UBE2R2: variants seen among roughly 807,000 people sequenced by gnomAD.
UBE2R2 encodes ubiquitin-conjugating enzyme E2 R2.
In UBE2R2, 1 loss-of-function variant was observed where a neutral mutation model predicts 27.8. The ratio of observed to expected loss-of-function variants is 0.04; its 90% CI spans 0.01 to 0.17. The LOEUF (loss-of-function observed/expected upper bound fraction) is 0.17. UBE2R2 is among the 10% of genes least tolerant of loss of function. The pLI, the probability that UBE2R2 is intolerant of heterozygous loss-of-function variation, is 1.00. For synonymous variants in UBE2R2, 106 were observed against 113.3 expected (o/e 0.94, Z 0.41); for missense variants, 100 against 291.0 (o/e 0.34, Z 4.78).
At chr9:33,841,304 T>C (rs1820728340) in intron 1 of UBE2R2, among the ~76,000 whole-genome samples, 1 of 152,140 alleles carries the variant, frequency 6.6e-6, no homozygotes, top group Admixed American at 6.6e-5. Flanking sequence ...GGTCTCGAAC[T>C]CCTGACCTCA....
At chr9:33,914,870 C>T (rs899421088) in intron 4 of UBE2R2, among the ~76,000 whole-genome samples, 3 of 151,732 alleles carry the variant, frequency 2.0e-5, no homozygotes, top group Non-Finnish European at 2.9e-5. Flanking sequence ...GGCACAGTGG[C>T]TCACGCCTGT....
chr9:33,896,605 TA>T (rs1272831951), intron 2 of UBE2R2, among the ~76,000 whole-genome samples: 4 of 121,242 alleles, frequency 3.3e-5, no homozygotes, highest in African/African-American at 1.3e-4. Flanking sequence ...CATGACTGGC[TA>T]TTTTTTTTTT....
At chr9:33,846,095 C>T (rs1421647055) in intron 1 of UBE2R2, among the ~76,000 whole-genome samples, 2 of 147,180 alleles carry the variant, frequency 1.4e-5, no homozygotes, top group African/African-American at 5.1e-5. Flanking sequence ...CACTGCCCTC[C>T]AGCCTGGGTG....
chr9:33,872,757 G>C (rs1821514463), intron 1 of UBE2R2, among the ~76,000 whole-genome samples: 1 of 150,632 alleles, frequency 6.6e-6, no homozygotes, highest in Non-Finnish European at 1.5e-5. Flanking sequence ...CTGCACTCCA[G>C]CCTGGGCAAC....
At chr9:33,890,409 A>G (rs1192480354) in intron 2 of UBE2R2, among the ~76,000 whole-genome samples, 2 of 152,294 alleles carry the variant, frequency 1.3e-5, no homozygotes, top group South Asian at 4.1e-4. Flanking sequence ...TTTACTAAAA[A>G]TACAAACATC....
At chr9:33,853,447 G>A (rs553671814) in intron 1 of UBE2R2, among the ~76,000 whole-genome samples, 30 of 151,794 alleles carry the variant, frequency 2.0e-4, no homozygotes, top group Non-Finnish European at 2.6e-4. Context: ...CACCATGCCC[G>A]GCTAATTTTG....
chr9:33,909,039 C>T (rs967672485), intron 3 of UBE2R2, among the ~76,000 whole-genome samples: 1 of 131,612 alleles, frequency 7.6e-6, no homozygotes, highest in Admixed American at 7.4e-5. Flanking sequence ...TTAAAATTCA[C>T]TTCCTCATTT....
intron 3 of UBE2R2, among the ~76,000 whole-genome samples, chr9:33,911,157 G>A (rs1822474735): frequency 6.6e-6 from 1 of 151,310 alleles, no homozygotes; most frequent in Admixed American, 6.6e-5. Context: ...GCTTTTAATC[G>A]TAGCACTTTG....
rs2130827785 is a variant in UBE2R2, at chr9:33,917,670, A to AG, written c.*434dup. The AG allele has an allele frequency of 3.7e-6, 1 of 270,156 alleles. No individual in the cohort carries two copies. Among genetic ancestry groups the AG allele is most frequent in the East Asian group, 6.5e-5 (1 of 15,382 alleles). 16.7% of individuals were successfully genotyped at this position (270,156 alleles called of 1,614,324 possible). ...AGTGCTGCATATACTGGGTAGCAAA[A>AG]GAAAATGGAAAAAAACCCACAAAAC... On this transcript the variant is annotated 3_prime_UTR_variant, in exon 5 of 5. Transcript: ENST00000263228.
At chr9:33,887,019 G>A (rs1821875167) in intron 2 of UBE2R2, 52 bp downstream of exon 2, 11 of 1,455,386 alleles carry the variant, frequency 7.6e-6, no homozygotes, top group Non-Finnish European at 1.0e-5. Context: ...TTTTAAATCA[G>A]TACTTTAAAA....
Position 33,917,087 on chromosome 9 carries a change from A to G in UBE2R2, c.567A>G (p.Glu189=), listed in dbSNP as rs1822664573. 6.2e-7 allele frequency: 1 copy of G among 1,614,136 alleles called. No individual in the cohort carries two copies. Among genetic ancestry groups the G allele is most frequent in the Non-Finnish European group, 8.5e-7 (1 of 1,180,046 alleles). The change falls in exon 5 of 5, where the codon GAA becomes GAG. Residue 189 remains glutamate (E), a synonymous_variant. Transcript: ENST00000263228. ...DGVKVPTTLA[E]YCIKTKVPSN... is the part of the protein sequence containing the mutation. ...TGAAGGTCCCCACAACCCTGGCGGA[A>G]TACTGCATCAAAACTAAAGTGCCTT...
At chr9:33,910,607 T>A (rs957568355) in intron 3 of UBE2R2, among the ~76,000 whole-genome samples, 1 of 152,242 alleles carries the variant, frequency 6.6e-6, no homozygotes, top group African/African-American at 2.4e-5. Context: ...ATCCAGCATC[T>A]CACTTGGTGC....
At chr9:33,868,556 G>A (rs1214144883) in intron 1 of UBE2R2, 1 of 152,118 alleles carries the variant, frequency 6.6e-6, no homozygotes, top group Non-Finnish European at 1.5e-5. Flanking sequence ...CTTTTCTTGG[G>A]GTTGCGCTGC....
At chr9:33,874,517 T>C (rs1272866031) in intron 1 of UBE2R2, among the ~76,000 whole-genome samples, 8 of 152,132 alleles carry the variant, frequency 5.3e-5, no homozygotes, top group East Asian at 1.9e-4. Flanking sequence ...TTTTTAAATA[T>C]ATACATAATG....
intron 4 of UBE2R2, among the ~76,000 whole-genome samples, chr9:33,916,748 G>C (rs1435290817): frequency 6.6e-6 from 1 of 152,200 alleles, no homozygotes; most frequent in Non-Finnish European, 1.5e-5. Context: ...CAGTTGACGA[G>C]GTGATTCTGG....
chr9:33,854,294 A>G (rs1447365436), intron 1 of UBE2R2, among the ~76,000 whole-genome samples: 1 of 151,368 alleles, frequency 6.6e-6, no homozygotes, highest in Non-Finnish European at 1.5e-5. Flanking sequence ...CTGTGTACAG[A>G]GTTCTATATA....
intron 3 of UBE2R2, among the ~76,000 whole-genome samples, chr9:33,907,791 A>G (rs1822391938): frequency 6.6e-6 from 1 of 152,174 alleles, no homozygotes; most frequent in African/African-American, 2.4e-5. Context: ...TTAAACAAAA[A>G]AATGAGCTAG....
rs60526576 is a variant in UBE2R2, at chr9:33,911,402, C to CAAAAAAAAAAAAA, written c.363-541_363-529dup. ...GGGGAACAAGAGTGAAACTCCATCT[C>CAAAAAAAAAAAAA]AAAAAAAAAAAAAAAAAAAAAAAAA... On this transcript the variant is annotated intron_variant, in intron 3 of 4. Transcript: ENST00000263228. 3.4e-4 allele frequency among the ~76,000 whole-genome samples: 18 copies of CAAAAAAAAAAAAA among 53,202 alleles called. 1 individual carries two copies. Among genetic ancestry groups the CAAAAAAAAAAAAA allele is most frequent in the Admixed American group, 1.0e-3 (3 of 2,886 alleles). The allele number at this position is 53,202 out of a possible 152,430, so 34.9% of individuals were successfully genotyped here.
chr9:33,874,373 T>A (rs2254030), intron 1 of UBE2R2, among the ~76,000 whole-genome samples: 6,041 of 152,196 alleles, frequency 0.04, 267 homozygotes, highest in African/African-American at 0.098. Context: ...TTTTTCAGTT[T>A]ATAAAAATAA....
Sources: allele counts gnomAD v4.1 joint callset (sites outside exome capture counted in the v4.1 genomes callset), GRCh38; gene constraint gnomAD v4.1.1; transcripts MANE v1.5; gene names NCBI Gene and HGNC (gene_info 2026-07-23, HGNC 2026-07-21).